FUT9: variants seen among roughly 807,000 people sequenced by gnomAD.
FUT9 encodes the protein fucosyltransferase 9.
FUT9 carries 15 observed loss-of-function variants against 29.7 expected under a neutral mutation model. That is an observed-to-expected ratio of 0.51 (90% confidence interval 0.34 to 0.78). The LOEUF is 0.78. FUT9 is among the 30% of genes least tolerant of loss of function. The pLI is 0.01. For synonymous variants in FUT9, 169 were observed against 153.7 expected (o/e 1.10, Z -0.74); for missense variants, 319 against 425.4 (o/e 0.75, Z 2.20).
intron 2 of FUT9, among the ~76,000 whole-genome samples, chr6:96,141,474 G>A (rs1282894577): frequency 6.6e-6 from 1 of 152,190 alleles, no homozygotes; most frequent in Non-Finnish European, 1.5e-5. Context: ...AGAATGAAAA[G>A]CCTCAAGGGA....
At chr6:96,183,445 T>A (rs2127986555) in intron 2 of FUT9, among the ~76,000 whole-genome samples, 1 of 152,156 alleles carries the variant, frequency 6.6e-6, no homozygotes, top group South Asian at 2.1e-4. Context: ...TATTTCTTTC[T>A]CCTGTCTGAT....
intron 2 of FUT9, among the ~76,000 whole-genome samples, chr6:96,124,425 C>T (rs2127966331): frequency 6.6e-6 from 1 of 152,312 alleles, no homozygotes; most frequent in East Asian, 1.9e-4. Context: ...GCTGGGATTA[C>T]AGGCGTGAGC....
intron 1 of FUT9, among the ~76,000 whole-genome samples, chr6:96,042,155 T>C (rs1430630732): frequency 1.3e-5 from 2 of 152,176 alleles, no homozygotes; most frequent in Non-Finnish European, 2.9e-5. Flanking sequence ...AAGCTGTGCC[T>C]GCAGTCACCA....
In FUT9 at chr6:96,126,824, A is replaced by G. The variant is rs559535300; in HGVS notation, c.-9+12697A>G. ...TCTTTAACTTCCCTGTGGAGATTAT[A>G]GCATGGCCAGGCAGTGAATGAGAAA... On this transcript the variant is annotated intron_variant, in intron 2 of 2. Transcript: ENST00000302103. Among the ~76,000 whole-genome samples, 29 of 152,330 alleles carry G rather than the reference A, an allele frequency of 1.9e-4. 1 individual carries two copies. Among genetic ancestry groups the G allele is most frequent in the African/African-American group, 6.7e-4 (28 of 41,578 alleles).
chr6:96,078,705 C>T, intron 1 of FUT9, among the ~76,000 whole-genome samples: 1 of 151,956 alleles, frequency 6.6e-6, no homozygotes, highest in East Asian at 1.9e-4. Context: ...CAGGCCTGAG[C>T]CACCGCACCC....
At chr6:96,070,734 A>C (rs965900122) in intron 1 of FUT9, among the ~76,000 whole-genome samples, 1 of 152,202 alleles carries the variant, frequency 6.6e-6, no homozygotes, top group Non-Finnish European at 1.5e-5. Context: ...TTACATGGAA[A>C]ATCATTATTA....
intron 1 of FUT9, among the ~76,000 whole-genome samples, chr6:96,077,314 T>C (rs1298446323): frequency 1.3e-5 from 2 of 152,142 alleles, no homozygotes; most frequent in Non-Finnish European, 2.9e-5. Flanking sequence ...TTATTAGGAT[T>C]GTGTAGGTAC....
At chr6:96,113,012 T>A (rs931193822) in intron 1 of FUT9, among the ~76,000 whole-genome samples, 12 of 152,204 alleles carry the variant, frequency 7.9e-5, no homozygotes, top group Admixed American at 1.3e-4. Flanking sequence ...TTATTTGATC[T>A]TTATATTTCT....
chr6:96,021,703 A>G (rs1033229260), intron 1 of FUT9, among the ~76,000 whole-genome samples: 1 of 152,028 alleles, frequency 6.6e-6, no homozygotes, highest in Admixed American at 6.6e-5. Context: ...TAAAATATAG[A>G]CTCATTAAGT....
intron 2 of FUT9, among the ~76,000 whole-genome samples, chr6:96,141,893 T>A (rs149126947): frequency 2.0e-5 from 3 of 152,352 alleles, no homozygotes; most frequent in African/African-American, 7.2e-5. Context: ...AAAATTTCTC[T>A]CTTCTTGTCT....
chr6:96,103,393 A>G (rs148918927), intron 1 of FUT9, among the ~76,000 whole-genome samples: 2 of 151,910 alleles, frequency 1.3e-5, no homozygotes, highest in Non-Finnish European at 2.9e-5. Flanking sequence ...TCCTTACCCA[A>G]ATTAAAGTTA....
chr6:96,087,903 T>C (rs1023427638), intron 1 of FUT9, among the ~76,000 whole-genome samples: 15 of 152,196 alleles, frequency 9.9e-5, no homozygotes, highest in African/African-American at 2.9e-4. Context: ...TTAACATATC[T>C]GGTAATAGAG....
chr6:96,117,698 A>G (rs1771937238), intron 2 of FUT9, among the ~76,000 whole-genome samples: 1 of 152,214 alleles, frequency 6.6e-6, no homozygotes, highest in Admixed American at 6.5e-5. Context: ...ATCTTACTTC[A>G]TTCTTAATCT....
At chr6:96,179,996 T>A (rs181552056) in intron 2 of FUT9, among the ~76,000 whole-genome samples, 118 of 152,222 alleles carry the variant, frequency 7.8e-4, no homozygotes, top group African/African-American at 2.7e-3. Flanking sequence ...ACCACTTTCT[T>A]TTTGTGAGAG....
intron 2 of FUT9, among the ~76,000 whole-genome samples, chr6:96,151,130 T>C (rs571349388): frequency 6.6e-6 from 1 of 152,304 alleles, no homozygotes; most frequent in South Asian, 2.1e-4. Flanking sequence ...TGTTTTAACC[T>C]GAAGTCATTT....
rs1773850076 is a variant in FUT9 at position 96,207,267 on chromosome 6, A to G, written c.*3032A>G. ...CACACACACCCCACAGCTAGTGACA[A>G]TAGTTAAGATTTGGATTTAAGGATC... is the stretch of plus-strand genomic sequence containing the variant. On this transcript the variant is annotated 3_prime_UTR_variant, in exon 3 of 3. Transcript: ENST00000302103. The G allele has an allele frequency of 6.0e-6, 1 of 166,748 alleles. No homozygotes were observed. The highest frequency in any genetic ancestry group is 2.4e-5 in the African/African-American group (1 of 41,400). 10.3% of individuals were successfully genotyped at this position (166,748 alleles called of 1,614,324 possible).
At chr6:96,091,645 A>C (rs982490887) in intron 1 of FUT9, among the ~76,000 whole-genome samples, 1 of 152,070 alleles carries the variant, frequency 6.6e-6, no homozygotes, top group Non-Finnish European at 1.5e-5. Context: ...GTATTTTCAG[A>C]TAGTTAAGGA....
chr6:96,099,043 A>G (rs1441364017), intron 1 of FUT9, among the ~76,000 whole-genome samples: 1 of 152,104 alleles, frequency 6.6e-6, no homozygotes, highest in Admixed American at 6.5e-5. Context: ...TGCATCCTTT[A>G]TCTCTGTATT....
chr6:96,103,548 C>A (rs147118786), intron 1 of FUT9, among the ~76,000 whole-genome samples: 92 of 152,254 alleles, frequency 6.0e-4, no homozygotes, highest in African/African-American at 2.0e-3. Flanking sequence ...CAGGCTTTCT[C>A]CGATGGCTCC....
Sources: gnomAD v4.1 joint callset for allele counts (sites outside exome capture counted in the v4.1 genomes callset) on GRCh38, gnomAD v4.1.1 for gene constraint, MANE v1.5 for transcripts, NCBI Gene and HGNC (gene_info 2026-07-23, HGNC 2026-07-21) for gene names.